The following CUL1 variants were observed in gnomAD, a reference collection of about 807,000 sequenced individuals.
The protein encoded by CUL1 is cullin 1, also known as cullin-1.
CUL1 carries 24 observed loss-of-function variants against 118.0 expected under a neutral mutation model. That is an observed-to-expected ratio of 0.20 (90% CI 0.15 to 0.29). CUL1 has a LOEUF of 0.29. Among genes scored for constraint, CUL1 ranks in the 10% least tolerant of loss-of-function variants. The probability of loss-of-function intolerance (pLI) is 1.00; values close to 1 mark genes in which losing one functional copy is unlikely to be tolerated. For synonymous variants in CUL1, 332 were observed against 340.4 expected, an observed-to-expected ratio of 0.98 and a Z score of 0.27; for missense variants, 361 against 933.8, an observed-to-expected ratio of 0.39 and a Z score of 7.99.
intron 9 of CUL1, among the ~76,000 whole-genome samples, chr7:148,778,541 G>A (rs903380196): frequency 1.3e-5 from 2 of 152,194 alleles, no homozygotes; most frequent in African/African-American, 4.8e-5. Flanking sequence ...ATGCTAATGG[G>A]AAGAATGACA....
chr7:148,702,651 C>G (rs1294913473), intron 1 of CUL1, among the ~76,000 whole-genome samples: 1 of 152,184 alleles, frequency 6.6e-6, no homozygotes, highest in Non-Finnish European at 1.5e-5. Context: ...AGCGCTATTG[C>G]AGTTCCATTC....
intron 2 of CUL1, among the ~76,000 whole-genome samples, chr7:148,734,762 G>A (rs1798885413): frequency 6.6e-6 from 1 of 152,092 alleles, no homozygotes; most frequent in Non-Finnish European, 1.5e-5. Context: ...ATGAGAGTCC[G>A]GCCTAGCTCG....
chr7:148,760,428 G>T lies in CUL1; in HGVS notation c.721G>T (p.Glu241Ter). ...SFESQFLADT[E>*]RFYTRESTEF... ...TGAATCTCAATTTTTGGCTGACACA[G>T]AGAGATTTTATACCAGAGAGAGTAC... The change falls in exon 7 of 22, where the codon GAG becomes TAG. Residue 241 changes from glutamate to a stop codon, truncating the protein, a stop_gained. Transcript: ENST00000325222. LOFTEE classifies it high-confidence loss of function. 1 of 1,613,502 alleles carries T rather than the reference G, an allele frequency of 6.2e-7. No homozygotes were observed. Among genetic ancestry groups the T allele is most frequent in the East Asian group, 2.2e-5 (1 of 44,782 alleles).
At chr7:148,726,147 A>G (rs575725525) in intron 1 of CUL1, among the ~76,000 whole-genome samples, 1 of 152,352 alleles carries the variant, frequency 6.6e-6, no homozygotes, top group South Asian at 2.1e-4. Flanking sequence ...GTACGTTTTA[A>G]TAGAGTAAGA....
In CUL1 at chr7:148,797,188, A is replaced by G. The variant is rs149796457; in HGVS notation, c.1900-624A>G. 1.9e-3 allele frequency among the ~76,000 whole-genome samples: 295 copies of G among 152,276 alleles called. 2 individuals are homozygous for G. Among genetic ancestry groups the G allele is most frequent in the African/African-American group, 6.6e-3 (276 of 41,554 alleles). ...GCCCCACTGTTCTCATGAGCAGGAC[A>G]TTATTTTCAGTCTTGCTGGGCAGCT... On this transcript the variant is annotated intron_variant, in intron 17 of 21. Coordinates refer to ENST00000325222, the MANE Select transcript of CUL1 (RefSeq NM_003592.3).
intron 9 of CUL1, among the ~76,000 whole-genome samples, chr7:148,778,070 C>CAAAAAAAAAAAAAAAAA (rs1203417069): frequency 2.2e-3 from 30 of 13,756 alleles, no homozygotes; most frequent in East Asian, 3.3e-3. Flanking sequence ...GACCCTGTCT[C>CAAAAAAAAAAAAAAAAA]AAAAAAAAAA....
intron 2 of CUL1, among the ~76,000 whole-genome samples, chr7:148,739,341 A>G (rs1799065008): frequency 6.6e-6 from 1 of 152,214 alleles, no homozygotes; most frequent in South Asian, 2.1e-4. Flanking sequence ...TGTGAAGCTA[A>G]GACTGTGTGT....
At chr7:148,705,941 T>A (rs1797866716) in intron 1 of CUL1, among the ~76,000 whole-genome samples, 1 of 152,196 alleles carries the variant, frequency 6.6e-6, no homozygotes, top group Admixed American at 6.5e-5. Flanking sequence ...TTAGTCTAGG[T>A]TGAGCATCCC....
At position 148,787,290 on chromosome 7, in the gene CUL1, A is replaced by C. The variant is rs900140507; in HGVS notation, c.1479+170A>C. Among the ~76,000 whole-genome samples the C allele has an allele frequency of 3.2e-4, 48 of 151,956 alleles. No homozygotes were observed. The highest frequency in any genetic ancestry group is 1.0e-3 in the African/African-American group (43 of 41,426). On this transcript the variant is annotated intron_variant, in intron 13 of 21. Transcript: ENST00000325222. This position sits in a 1 kb window ranked among gnomAD's most constrained non-coding sequence, Gnocchi z 5.5. ...ATCCTGGCTAATATGGAGAAACCCC[A>C]TCTCTGCTAAAAATACAAAACATTA...
At chr7:148,719,236 G>A (rs962921761) in intron 1 of CUL1, among the ~76,000 whole-genome samples, 4 of 152,108 alleles carry the variant, frequency 2.6e-5, no homozygotes, top group African/African-American at 7.2e-5. Flanking sequence ...GCGTGAACCC[G>A]GGAGGCGGAG....
intron 9 of CUL1, among the ~76,000 whole-genome samples, chr7:148,770,240 C>G (rs1026767045): frequency 3.9e-5 from 6 of 152,240 alleles, no homozygotes; most frequent in African/African-American, 1.4e-4. Flanking sequence ...TACGAGAAAT[C>G]AAGCTTTTAA....
intron 1 of CUL1, among the ~76,000 whole-genome samples, chr7:148,706,845 AT>A (rs1342720943): frequency 6.6e-6 from 1 of 151,920 alleles, no homozygotes; most frequent in African/African-American, 2.4e-5. Flanking sequence ...GTTTTACTGC[AT>A]TTTCAGGATT....
intron 2 of CUL1, among the ~76,000 whole-genome samples, chr7:148,737,189 A>ATT (rs750567676): frequency 2.1e-5 from 3 of 143,104 alleles, no homozygotes; most frequent in South Asian, 2.2e-4. Flanking sequence ...GTCACAAGTG[A>ATT]TTTTTTTTTT....
Position 148,760,472 on chromosome 7 carries a change from C to A in CUL1, c.765C>A (p.Asn255Lys). The A allele has an allele frequency of 6.2e-7, 1 of 1,609,176 alleles. No homozygotes were observed. The change falls in exon 7 of 22, where the codon AAC (asparagine) becomes AAA (lysine). Residue 255 changes from asparagine (N) to lysine (K), a missense_variant. Coordinates refer to ENST00000325222, the MANE Select transcript of CUL1 (RefSeq NM_003592.3). The stretch of plus-strand genomic sequence containing the variant: ...AGAGTACTGAATTCTTGCAGCAGAA[C>A]CCAGTTACTGAATATATGAAAAAGG... ...TRESTEFLQQ[N>K]PVTEYMKKAE... is the part of the protein sequence containing the mutation.
intron 17 of CUL1, 147 bp downstream of exon 17, chr7:148,792,965 G>T: frequency 1.7e-6 from 1 of 587,226 alleles, no homozygotes; most frequent in East Asian, 3.0e-5. Flanking sequence ...CCTTATTCCA[G>T]GATTTTAATA....
Position 148,730,413 on chromosome 7 carries a change from CAG to C in CUL1, c.140+154_140+155del, listed in dbSNP as rs1798722080. On this transcript the variant is annotated intron_variant, in intron 2 of 21. Coordinates refer to ENST00000325222, the MANE Select transcript of CUL1 (RefSeq NM_003592.3). ...TCATTTTTAGCCTTAAGTTTTTGAA[CAG>C]AGTAGAACTGGTTCATTTTTAGTCA... 5.5e-6 allele frequency: 5 copies of C among 901,710 alleles called. No individual in the cohort carries two copies. The East Asian group carries it at 1.1e-4, about 20-fold the overall frequency. 55.9% of individuals were successfully genotyped at this position (901,710 alleles called of 1,614,324 possible).
chr7:148,743,982 GA>G (rs1237358301), intron 2 of CUL1, among the ~76,000 whole-genome samples: 1 of 152,108 alleles, frequency 6.6e-6, no homozygotes, highest in Non-Finnish European at 1.5e-5. Flanking sequence ...ATACATTTGC[GA>G]ATATGTCTTT....
intron 1 of CUL1, among the ~76,000 whole-genome samples, chr7:148,722,967 G>A (rs553961111): frequency 2.0e-5 from 3 of 152,338 alleles, no homozygotes; most frequent in South Asian, 2.1e-4. Flanking sequence ...GCTCAAGGTC[G>A]TCTGTCTTTT....
intron 8 of CUL1, 52 bp from the exon 9 acceptor site, chr7:148,767,567 T>C (rs1161436671): frequency 6.4e-7 from 1 of 1,550,542 alleles, no homozygotes; most frequent in African/African-American, 1.4e-5. Flanking sequence ...ATTAGTAGAA[T>C]GGATATGCAA....
Sources: allele counts gnomAD v4.1 joint callset (sites outside exome capture counted in the v4.1 genomes callset), GRCh38; gene constraint gnomAD v4.1.1; non-coding constraint Gnocchi (gnomAD v3.1); transcripts MANE v1.5; gene names NCBI Gene and HGNC (gene_info 2026-07-23, HGNC 2026-07-21).